Variants in SLC10A2 observed in about 807,000 individuals in gnomAD.
SLC10A2 encodes the protein solute carrier family 10 member 2, also known as ileal sodium/bile acid cotransporter.
Under a neutral mutation model 27.1 loss-of-function variants are expected in SLC10A2, and 34 were observed. The observed-to-expected ratio is 1.26, with a 90% CI of 0.96 to 1.67. The LOEUF is 1.67. Among genes scored for constraint, SLC10A2 ranks in the 40% most tolerant of loss-of-function variants. SLC10A2 has a pLI of 0.00. For synonymous variants in SLC10A2, 205 were observed against 174.0 expected (o/e 1.18, Z -1.40); for missense variants, 530 against 444.4 (o/e 1.19, Z -1.73).
At chr13:103,060,163 A>G (rs1354352425) in intron 1 of SLC10A2, among the ~76,000 whole-genome samples, 1 of 152,158 alleles carries the variant, frequency 6.6e-6, no homozygotes, top group Non-Finnish European at 1.5e-5. Context: ...GGATCTGTAC[A>G]CAGCGTACAT....
At chr13:103,057,837 C>A (rs770339663) in intron 2 of SLC10A2, among the ~76,000 whole-genome samples, 2 of 151,948 alleles carry the variant, frequency 1.3e-5, no homozygotes, top group African/African-American at 4.8e-5. Context: ...CGAGATCACG[C>A]CCCTGCACTC....
intron 5 of SLC10A2, among the ~76,000 whole-genome samples, chr13:103,049,069 A>G (rs1249728663): frequency 6.6e-6 from 1 of 152,224 alleles, no homozygotes; most frequent in Admixed American, 6.5e-5. Context: ...ATCGGCCTCC[A>G]TTACTTTTCA....
chr13:103,051,272 C>T lies in SLC10A2; in HGVS notation c.746G>A (p.Gly249Asp), dbSNP rs770274337. The T allele has an allele frequency of 1.9e-6, 3 of 1,613,948 alleles. No individual in the cohort carries two copies. In the Admixed American group the frequency reaches 5.0e-5, roughly 27 times the overall value. ...SLGFLLARIAGLPWYRCRTVA... is the reference protein window; with the variant it reads ...SLGFLLARIADLPWYRCRTVA... ...AATGCCATACCTGTACCAGGGTAGA[C>T]CAGCAATTCTAGCCAGAAGAAACCC... Residue 249 changes from glycine (G) to aspartate (D), a missense_variant, in exon 4 of 6, where the codon GGT becomes GAT. Physicochemically the swap from Gly to Asp is moderately conservative, Grantham distance 94. Transcript: ENST00000245312.
At chr13:103,052,881 A>G (rs2138915823) in intron 2 of SLC10A2, among the ~76,000 whole-genome samples, 173 bp from the exon 3 acceptor site, 1 of 152,152 alleles carries the variant, frequency 6.6e-6, no homozygotes, top group East Asian at 1.9e-4. Context: ...CACTCACTCA[A>G]CTTCTTCACC....
At chr13:103,055,435 T>A (rs1025459071) in intron 2 of SLC10A2, among the ~76,000 whole-genome samples, 1 of 152,174 alleles carries the variant, frequency 6.6e-6, no homozygotes, top group African/African-American at 2.4e-5. Flanking sequence ...CATAGAGCTG[T>A]GTAGAGAATA....
intron 1 of SLC10A2, among the ~76,000 whole-genome samples, chr13:103,064,923 T>C (rs949627333): frequency 2.0e-5 from 3 of 152,202 alleles, no homozygotes; most frequent in Non-Finnish European, 2.9e-5. Context: ...ATCCAGTGTT[T>C]ACAATTCTAC....
At chr13:103,064,560 A>G (rs771795757) in intron 1 of SLC10A2, among the ~76,000 whole-genome samples, 1 of 152,212 alleles carries the variant, frequency 6.6e-6, no homozygotes, top group East Asian at 1.9e-4. Flanking sequence ...TCAAGGCCCA[A>G]TGTTCCAAGT....
intron 1 of SLC10A2, among the ~76,000 whole-genome samples, chr13:103,064,442 G>GT (rs377280177): frequency 3.3e-5 from 5 of 151,810 alleles, no homozygotes; most frequent in Admixed American, 6.6e-5. Flanking sequence ...TACCACACAC[G>GT]TTTTTTTTCT....
chr13:103,058,433 G>T, intron 1 of SLC10A2, 51 bp from the exon 2 acceptor site: 2 of 1,075,920 alleles, frequency 1.9e-6, no homozygotes, highest in Non-Finnish European at 2.9e-6. Flanking sequence ...TTCTAGGGAA[G>T]ATGCTGTTTT....
At chr13:103,063,433 G>A (rs16961268) in intron 1 of SLC10A2, among the ~76,000 whole-genome samples, 13,170 of 152,194 alleles carry the variant, frequency 0.087, 587 homozygotes, top group South Asian at 0.11. Context: ...TGCCATTGCT[G>A]GAGTTCAAGT....
At position 103,049,306 on chromosome 13, in the gene SLC10A2, G is replaced by A. The variant is rs1244527288; in HGVS notation, c.902C>T (p.Ala301Val). 6.2e-7 allele frequency: 1 copy of A among 1,613,580 alleles called. No individual in the cohort carries two copies. The highest frequency in any genetic ancestry group is 1.3e-5 in the African/African-American group (1 of 74,884). Residue 301 changes from alanine (A) to valine (V), a missense_variant, in exon 5 of 6, where the codon GCC becomes GTC. Transcript: ENST00000245312. Reference sequence around the variant, plus strand: ...TTCCTTACATCCTAAGAATATTGCGGCAAAGGCGAGCTGGAAAATGCTGTA... The same window carrying A: ...TTCCTTACATCCTAAGAATATTGCGACAAAGGCGAGCTGGAAAATGCTGTA... ...LIYSIFQLAF[A>V]AIFLGFYVAY...
intron 4 of SLC10A2, 34 bp downstream of exon 4, chr13:103,051,223 T>G: frequency 6.2e-7 from 1 of 1,606,526 alleles, no homozygotes; most frequent in Non-Finnish European, 8.5e-7. Flanking sequence ...TATTACAGAT[T>G]AAAATTCCCA....
intron 2 of SLC10A2, among the ~76,000 whole-genome samples, chr13:103,054,970 C>G (rs1258163644): frequency 6.6e-6 from 1 of 152,106 alleles, no homozygotes; most frequent in Non-Finnish European, 1.5e-5. Context: ...ATAACTTGGT[C>G]TTTAATCAAG....
rs763508705 is a variant in SLC10A2, at chr13:103,066,281, A to C, written c.-32T>G. 1 of 1,574,690 alleles carries C rather than the reference A, an allele frequency of 6.4e-7. No homozygotes were observed. Among genetic ancestry groups the C allele is most frequent in the Non-Finnish European group, 8.6e-7 (1 of 1,158,618 alleles). On this transcript the variant is annotated 5_prime_UTR_variant, in exon 1 of 6. Transcript: ENST00000245312. ...GTCTGCTGCTGGAAAGGCCAAGTCC[A>C]CAGAAGCGCTGGTCCCTGGGCCCTG...
Position 103,051,311 on chromosome 13 carries a change from G to A in SLC10A2, c.707C>T (p.Ala236Val), listed in dbSNP as rs776680092. The stretch of plus-strand genomic sequence containing the variant: ...CAGAAGAAACCCCAGGGAGTAACCC[G>A]CCACAGGAAATATTGTTCCTATAAT... ...LWIIGTIFPV[A>V]GYSLGFLLAR... Residue 236 changes from alanine to valine, a missense_variant, in exon 4 of 6, where the codon GCG becomes GTG. Physicochemically the swap from Ala to Val is moderately conservative, Grantham distance 64. Coordinates refer to ENST00000245312, the MANE Select transcript of SLC10A2 (RefSeq NM_000452.3). 4.3e-5 allele frequency: 69 copies of A among 1,613,914 alleles called. No homozygotes were observed. The highest frequency in any genetic ancestry group is 5.3e-5 in the Non-Finnish European group (63 of 1,179,984).
intron 1 of SLC10A2, among the ~76,000 whole-genome samples, chr13:103,060,702 C>CA (rs1256550289): frequency 6.6e-6 from 1 of 152,034 alleles, no homozygotes; most frequent in Admixed American, 6.6e-5. Flanking sequence ...ATTTATGTTA[C>CA]CATGTTTTTG....
intron 1 of SLC10A2, among the ~76,000 whole-genome samples, chr13:103,060,381 A>AT (rs33930404): frequency 0.069 from 9,093 of 131,368 alleles, 432 homozygotes; most frequent in African/African-American, 0.12. Flanking sequence ...TGCTACTACC[A>AT]TTTTTTTTTT....
chr13:103,052,152 G>C (rs1336770036), intron 3 of SLC10A2, among the ~76,000 whole-genome samples: 1 of 152,162 alleles, frequency 6.6e-6, no homozygotes, highest in Non-Finnish European at 1.5e-5. Flanking sequence ...ACAGACATAA[G>C]AAAGATATGT....
rs1446711444 is a variant in SLC10A2, at chr13:103,066,133, G to A, written c.117C>T (p.Thr39=). The A allele has an allele frequency of 6.2e-7, 1 of 1,614,044 alleles. No homozygotes were observed. Among genetic ancestry groups the A allele is most frequent in the East Asian group, 2.2e-5 (1 of 44,882 alleles). Residue 39 remains threonine (T), a synonymous_variant, in exon 1 of 6, where the codon ACC becomes ACT. Transcript: ENST00000245312. ...AGAACATCACCAAGGCCAACAGGAT[G>A]GTCAGCACCGTACTTAGGACCACAC... ...ILSVVLSTVL[T]ILLALVMFSM...
Sources: allele counts gnomAD v4.1 joint callset (sites outside exome capture counted in the v4.1 genomes callset), GRCh38; gene constraint gnomAD v4.1.1; transcripts MANE v1.5; gene names NCBI Gene and HGNC (gene_info 2026-07-23, HGNC 2026-07-21).